Variants in LIMA1 observed in about 807,000 individuals in gnomAD.
The protein encoded by LIMA1 is LIM domain and actin binding 1, also known as LIM domain and actin-binding protein 1.
In LIMA1, 52 loss-of-function variants were observed where a neutral mutation model predicts 62.6. The ratio of observed to expected loss-of-function variants is 0.83; its 90% CI spans 0.67 to 1.05. The LOEUF (loss-of-function observed/expected upper bound fraction) is 1.05. Among genes scored for constraint, LIMA1 ranks in the 50% least tolerant of loss-of-function variants. The pLI, the probability that LIMA1 is intolerant of heterozygous loss-of-function variation, is 0.00. For missense variants in LIMA1, 780 were observed against 902.2 expected (o/e 0.86, Z 1.74); for synonymous variants, 302 against 317.8 (o/e 0.95, Z 0.53).
chr12:50,234,211 CT>C (rs530660438), intron 2 of LIMA1: 61,526 of 359,004 alleles, frequency 0.17, 140 homozygotes, highest in South Asian at 0.22. Context: ...CCAGAACAAC[CT>C]TTTTTTTTTT....
chr12:50,254,429 A>G (rs1941967946), intron 1 of LIMA1, among the ~76,000 whole-genome samples: 1 of 152,156 alleles, frequency 6.6e-6, no homozygotes. Context: ...GGAAACTGAG[A>G]TGCATAAAGC....
chr12:50,197,283 T>TGA (rs967177816), intron 7 of LIMA1, among the ~76,000 whole-genome samples: 4 of 152,076 alleles, frequency 2.6e-5, no homozygotes. Flanking sequence ...TTGGCCAGGA[T>TGA]GGTCTCAGAC....
chr12:50,212,426 AT>A (rs1941274060), intron 4 of LIMA1, among the ~76,000 whole-genome samples: 1 of 152,178 alleles, frequency 6.6e-6, no homozygotes, highest in African/African-American at 2.4e-5. Context: ...CCTAGCCTTG[AT>A]TTATTAAAGT....
At chr12:50,190,831 G>A (rs1201033871) in intron 9 of LIMA1, among the ~76,000 whole-genome samples, 3 of 150,262 alleles carry the variant, frequency 2.0e-5, no homozygotes, top group Non-Finnish European at 4.4e-5. Context: ...GGGAACAACA[G>A]GGCCAGGTGT....
intron 2 of LIMA1, among the ~76,000 whole-genome samples, chr12:50,232,667 C>T: frequency 6.6e-6 from 1 of 152,182 alleles, no homozygotes; most frequent in East Asian, 1.9e-4. Context: ...CCAGGCCCAG[C>T]CCCCCAGCCA....
chr12:50,240,346 G>T (rs535926623), intron 2 of LIMA1, among the ~76,000 whole-genome samples: 1 of 152,278 alleles, frequency 6.6e-6, no homozygotes, highest in South Asian at 2.1e-4. Flanking sequence ...GAATTTAATG[G>T]TAGGATGGTC....
chr12:50,205,911 TTC>T, intron 5 of LIMA1, 71 bp downstream of exon 5: 1 of 1,079,580 alleles, frequency 9.3e-7, no homozygotes, highest in Non-Finnish European at 1.3e-6. Flanking sequence ...AAGCATTGGC[TTC>T]GAGTCCAAAA....
chr12:50,202,739 TTAA>T (rs1007903245), intron 6 of LIMA1, among the ~76,000 whole-genome samples: 11 of 152,220 alleles, frequency 7.2e-5, no homozygotes, highest in Non-Finnish European at 5.9e-5. Context: ...GAATGTATAC[TTAA>T]TAATGTGGGG....
intron 9 of LIMA1, among the ~76,000 whole-genome samples, chr12:50,185,208 A>G (rs1435148565): frequency 6.6e-6 from 1 of 152,184 alleles, no homozygotes. Context: ...ACACAGCAGG[A>G]GACAGAAACT....
intron 1 of LIMA1, among the ~76,000 whole-genome samples, chr12:50,252,738 T>C (rs1383254959): frequency 6.6e-6 from 1 of 152,142 alleles, no homozygotes; most frequent in Non-Finnish European, 1.5e-5. Flanking sequence ...ACATGCATGG[T>C]TTTTATAACA....
At chr12:50,268,182 C>T (rs939170163) in intron 1 of LIMA1, among the ~76,000 whole-genome samples, 2 of 152,170 alleles carry the variant, frequency 1.3e-5, no homozygotes, top group African/African-American at 2.4e-5. Flanking sequence ...CTCGTTTCTG[C>T]GGGGTTCCCT....
chr12:50,204,621 G>C lies in LIMA1; in HGVS notation c.795C>G (p.Thr265=). The C allele has an allele frequency of 6.2e-7, 1 of 1,614,146 alleles. No individual in the cohort carries two copies. The highest frequency in any genetic ancestry group is 8.5e-7 in the Non-Finnish European group (1 of 1,180,028). The change falls in exon 6 of 11, where the codon ACC becomes ACG. Residue 265 remains threonine, a synonymous_variant. Transcript: ENST00000341247. ...ACTTGGCCATTCGATCCTTTATAGA[G>C]GTTTCTGAGAGGCGTGGAAGTTCCA... ...RNLELPRLSE[T]SIKDRMAKYQ...
chr12:50,195,889 T>TAAAA lies in LIMA1; in HGVS notation c.973-3_973-2insTTTT. 1 of 847,148 alleles carries TAAAA rather than the reference T, an allele frequency of 1.2e-6. No individual in the cohort carries two copies. The highest frequency in any genetic ancestry group is 1.5e-6 in the Non-Finnish European group (1 of 683,960). 52.5% of individuals were successfully genotyped at this position (847,148 alleles called of 1,614,324 possible). A position where few individuals can be genotyped will look rare whatever the true frequency, so the allele number is the denominator to read the frequency against. The stretch of plus-strand genomic sequence containing the variant: ...CAGGCTATTCTCATTTGCAGAAATC[T>TAAAA]ACAAAAAAAAAAAAAAAAAAAAAGT... On this transcript the variant is annotated splice_polypyrimidine_tract_variant and splice_region_variant and intron_variant, in intron 7 of 10. Transcript: ENST00000341247.
chr12:50,247,218 T>C (rs1941862309), intron 2 of LIMA1, among the ~76,000 whole-genome samples: 1 of 152,172 alleles, frequency 6.6e-6, no homozygotes, highest in South Asian at 2.1e-4. Flanking sequence ...TGGAGTCAAA[T>C]TGCCCTTCCC....
intron 1 of LIMA1, among the ~76,000 whole-genome samples, chr12:50,259,601 T>C (rs1299287332): frequency 6.6e-6 from 1 of 152,016 alleles, no homozygotes; most frequent in Non-Finnish European, 1.5e-5. Flanking sequence ...ACTCACAATA[T>C]AAAAAAATGG....
chr12:50,182,320 C>T (rs1940523016), intron 9 of LIMA1: 1 of 145,288 alleles, frequency 6.9e-6, no homozygotes, highest in Admixed American at 6.9e-5. Context: ...TCACGACCCA[C>T]ATAAAAAATG....
chr12:50,223,338 C>T (rs989171399), intron 3 of LIMA1, among the ~76,000 whole-genome samples: 31 of 152,154 alleles, frequency 2.0e-4, no homozygotes, highest in Admixed American at 1.9e-3. Context: ...CAAAAATTAA[C>T]TGGGTGCAGT....
chr12:50,248,569 T>A (rs1941883465), intron 2 of LIMA1, 64 bp downstream of exon 2: 3 of 1,003,052 alleles, frequency 3.0e-6, no homozygotes, highest in Non-Finnish European at 4.7e-6. Flanking sequence ...TTCACCAATT[T>A]CCCTGACAGG....
At chr12:50,235,858 A>G (rs1297834072) in intron 2 of LIMA1, among the ~76,000 whole-genome samples, 4 of 152,220 alleles carry the variant, frequency 2.6e-5, no homozygotes, top group Non-Finnish European at 5.9e-5. Flanking sequence ...ATAAATAAAA[A>G]GGCAGATATA....
Sources: gnomAD v4.1 joint callset for allele counts (sites outside exome capture counted in the v4.1 genomes callset) on GRCh38, gnomAD v4.1.1 for gene constraint, MANE v1.5 for transcripts, NCBI Gene and HGNC (gene_info 2026-07-23, HGNC 2026-07-21) for gene names.